The following MBNL2 variants were observed in gnomAD, a reference collection of about 807,000 sequenced individuals.
The protein encoded by MBNL2 is muscleblind-like protein 2.
In MBNL2, 17 loss-of-function variants were observed where a neutral mutation model predicts 41.9. The observed-to-expected ratio is 0.41, with a 90% CI of 0.28 to 0.61. The LOEUF is 0.61. MBNL2 is among the 20% of genes least tolerant of loss of function. The probability of loss-of-function intolerance (pLI) is 0.35; values close to 1 mark genes in which losing one functional copy is unlikely to be tolerated. For missense variants in MBNL2, 336 were observed against 505.6 expected (o/e 0.66, Z 3.22); for synonymous variants, 195 against 182.9 (o/e 1.07, Z -0.53).
the MBNL2 span, among the ~76,000 whole-genome samples, chr13:97,193,298 A>C: frequency 1.3e-5 from 2 of 152,224 alleles, no homozygotes; most frequent in Non-Finnish European, 2.9e-5. Context: ...TTTTAGTTGG[A>C]TTTTGGTTCT....
intron 2 of MBNL2, among the ~76,000 whole-genome samples, chr13:97,315,724 T>C (rs1420337595): frequency 1.3e-5 from 2 of 152,044 alleles, no homozygotes; most frequent in Non-Finnish European, 2.9e-5. Flanking sequence ...GACCTCAGCA[T>C]GAAAAGAAAG....
rs1471476562 is a variant in MBNL2, at chr13:97,268,263, T to A, written c.-604-7369T>A. 6.6e-6 allele frequency among the ~76,000 whole-genome samples: 1 copy of A among 152,126 alleles called. No individual in the cohort carries two copies. Among genetic ancestry groups the A allele is most frequent in the African/African-American group, 2.4e-5 (1 of 41,424 alleles). On this transcript the variant is annotated intron_variant, in intron 1 of 8. Coordinates refer to ENST00000679496, the MANE Select transcript of MBNL2 (RefSeq NM_001382683.1). The surrounding 1 kb of genome is among the most constrained non-coding windows in gnomAD (Gnocchi z 4.6). ...GCGTGCGCCACCATGCACGCCCGGC[T>A]AAATTTTTTTCTATTTTTTGTAGAC... is the stretch of plus-strand genomic sequence containing the variant.
At chr13:97,163,769 G>A in the MBNL2 span, among the ~76,000 whole-genome samples, 3 of 152,092 alleles carry the variant, frequency 2.0e-5, no homozygotes, top group Non-Finnish European at 4.4e-5. Context: ...GGGAAGGGGT[G>A]GGCCCTTAAT....
Position 97,334,127 on chromosome 13 carries a change from C to CAT in MBNL2, c.175-148_175-147dup. On this transcript the variant is annotated intron_variant, in intron 2 of 8. Coordinates refer to ENST00000679496, the MANE Select transcript of MBNL2 (RefSeq NM_001382683.1). The surrounding 1 kb of genome is among the most constrained non-coding windows in gnomAD (Gnocchi z 5.3). ...TTGATTCACTTTTCCCCAACAAACA[C>CAT]ATGAGCATGCGCGCGCACACCCACA... The CAT allele has an allele frequency of 2.0e-6, 1 of 492,428 alleles. No homozygotes were observed. The highest frequency in any genetic ancestry group is 3.5e-6 in the Non-Finnish European group (1 of 283,548). 30.5% of individuals were successfully genotyped at this position (492,428 alleles called of 1,614,324 possible).
intron 2 of MBNL2, among the ~76,000 whole-genome samples, chr13:97,282,087 C>G (rs1341353873): frequency 6.6e-6 from 1 of 151,766 alleles, no homozygotes. Flanking sequence ...TGCAGTGGCT[C>G]ACACCTGTAG....
chr13:97,386,844 C>A (rs2065958149), intron 8 of MBNL2, among the ~76,000 whole-genome samples: 1 of 151,880 alleles, frequency 6.6e-6, no homozygotes, highest in Non-Finnish European at 1.5e-5. Flanking sequence ...ATTTCCTTTC[C>A]TTATTGATAA....
At chr13:97,316,163 C>T (rs12016824) in intron 2 of MBNL2, among the ~76,000 whole-genome samples, 6,163 of 152,304 alleles carry the variant, frequency 0.04, 377 homozygotes, top group African/African-American at 0.14. Context: ...CAAAAATCCC[C>T]TTCCAGGGGC....
At chr13:97,314,003 G>A (rs1317187956) in intron 2 of MBNL2, among the ~76,000 whole-genome samples, 1 of 152,172 alleles carries the variant, frequency 6.6e-6, no homozygotes, top group Non-Finnish European at 1.5e-5. Context: ...TCAGTAATAT[G>A]TTCTAGTGCA....
intron 2 of MBNL2, among the ~76,000 whole-genome samples, chr13:97,333,997 A>C (rs1238270666): frequency 2.4e-5 from 3 of 126,932 alleles, no homozygotes; most frequent in Non-Finnish European, 5.2e-5. Context: ...GGAAAGAAAG[A>C]GAAAGAGAGA....
chr13:97,212,274 C>T, the MBNL2 span, among the ~76,000 whole-genome samples: 7,695 of 152,136 alleles, frequency 0.051, 259 homozygotes, highest in South Asian at 0.14. Context: ...ACACACTTCT[C>T]CAGAGATTTC....
intron 2 of MBNL2, among the ~76,000 whole-genome samples, chr13:97,295,337 A>G (rs1283226380): frequency 1.3e-5 from 2 of 151,088 alleles, no homozygotes; most frequent in Admixed American, 6.6e-5. Context: ...TTTTTTTTCT[A>G]TACCAAAGAT....
chr13:97,188,642 GAA>G, the MBNL2 span, among the ~76,000 whole-genome samples: 1 of 79,710 alleles, frequency 1.3e-5, no homozygotes, highest in African/African-American at 5.5e-5. Flanking sequence ...AGCCAAAAGA[GAA>G]AGGAAAAAAA....
At chr13:97,340,989 T>C (rs2061399924) in intron 3 of MBNL2, among the ~76,000 whole-genome samples, 1 of 152,184 alleles carries the variant, frequency 6.6e-6, no homozygotes, top group Non-Finnish European at 1.5e-5. Context: ...TCAAATGATC[T>C]AGCATCAAAT....
the MBNL2 span, among the ~76,000 whole-genome samples, chr13:97,197,476 ATC>A: frequency 1.3e-5 from 2 of 152,192 alleles, no homozygotes; most frequent in Non-Finnish European, 2.9e-5. Context: ...AGTATTGATA[ATC>A]TCTCAAAGTT....
At chr13:97,146,416 T>C in the MBNL2 span, among the ~76,000 whole-genome samples, 2 of 152,196 alleles carry the variant, frequency 1.3e-5, no homozygotes, top group Admixed American at 1.3e-4. Context: ...TATGTATTTG[T>C]TCAGAATGAA....
intron 1 of MBNL2, among the ~76,000 whole-genome samples, chr13:97,223,087 A>C (rs1487566052): frequency 6.6e-6 from 1 of 152,220 alleles, no homozygotes; most frequent in Non-Finnish European, 1.5e-5. Flanking sequence ...GCTTTCTGGC[A>C]AGTTTTCGAT....
In MBNL2 at chr13:97,315,081, A is replaced by G. The variant is rs1432121247; in HGVS notation, c.175-19195A>G. On this transcript the variant is annotated intron_variant, in intron 2 of 8. Transcript: ENST00000679496. The stretch of plus-strand genomic sequence containing the variant: ...TGATAAAGCAGACAGTCATATATTT[A>G]TTGACATTTTCATTTTAGGGGACAC... Among the ~76,000 whole-genome samples the G allele has an allele frequency of 2.0e-5, 3 of 152,310 alleles. No individual in the cohort carries two copies. In the East Asian group the frequency reaches 5.8e-4, roughly 29 times the overall value.
At position 97,251,834 on chromosome 13, in the gene MBNL2, C is replaced by CTTTTTT. The variant is rs869034692; in HGVS notation, c.-604-23776_-604-23771dup. On this transcript the variant is annotated intron_variant, in intron 1 of 8. Coordinates refer to ENST00000679496, the MANE Select transcript of MBNL2 (RefSeq NM_001382683.1). ...TATTTATTATCTTGTATCCTCAATT[C>CTTTTTT]TTTTTTTTTTTTTTTTTTTTTTTTT... 1.9e-4 allele frequency among the ~76,000 whole-genome samples: 13 copies of CTTTTTT among 69,600 alleles called. 1 individual carries two copies. The highest frequency in any genetic ancestry group is 2.2e-4 in the African/African-American group (4 of 17,940). The allele number at this position is 69,600 out of a possible 152,430, so 45.7% of individuals were successfully genotyped here.
At chr13:97,342,459 T>C (rs1745621752) in intron 3 of MBNL2, among the ~76,000 whole-genome samples, 1 of 152,214 alleles carries the variant, frequency 6.6e-6, no homozygotes, top group South Asian at 2.1e-4. Flanking sequence ...ATCGTAGGTT[T>C]ATTTGAAAAC....
Sources: allele counts gnomAD v4.1 joint callset (sites outside exome capture counted in the v4.1 genomes callset), GRCh38; gene constraint gnomAD v4.1.1; non-coding constraint Gnocchi (gnomAD v3.1); transcripts MANE v1.5; gene names NCBI Gene and HGNC (gene_info 2026-07-23, HGNC 2026-07-21).